The following MOB1A variants were observed in gnomAD, a reference collection of about 807,000 sequenced individuals.
MOB1A encodes MOB1 Mps One Binder homolog A.
A neutral mutation model predicts 25.1 loss-of-function variants in MOB1A; 10 were observed. The ratio of observed to expected loss-of-function variants is 0.40; its 90% CI spans 0.25 to 0.68. MOB1A has a LOEUF of 0.68. Among genes scored for constraint, MOB1A ranks in the 30% least tolerant of loss-of-function variants. The pLI is 0.40. For synonymous variants in MOB1A, 81 were observed against 79.5 expected (o/e 1.02, Z -0.10); for missense variants, 177 against 256.3 (o/e 0.69, Z 2.11).
chr2:74,167,920 T>C (rs1319290154), intron 2 of MOB1A, among the ~76,000 whole-genome samples: 3 of 152,130 alleles, frequency 2.0e-5, no homozygotes, highest in Non-Finnish European at 4.4e-5. Context: ...AAGGACTGGT[T>C]GAGCCCAGGA....
At chr2:74,156,736 T>G in intron 5 of MOB1A, 91 bp from the exon 6 acceptor site, 1 of 842,270 alleles carries the variant, frequency 1.2e-6, no homozygotes, top group Non-Finnish European at 1.9e-6. Context: ...AACTCTAGTT[T>G]TCTGAAGTCC....
chr2:74,158,961 A>T, intron 5 of MOB1A, 130 bp downstream of exon 5: 4 of 923,188 alleles, frequency 4.3e-6, no homozygotes, highest in Non-Finnish European at 6.7e-6. Flanking sequence ...AAAAGAGAAC[A>T]AAACAGAAAA....
rs190674876 is a variant in MOB1A, at chr2:74,173,187, C to A, written c.15-435G>T. On this transcript the variant is annotated intron_variant, in intron 1 of 5. Transcript: ENST00000396049. ...AATGCCAAGATAGGAAGATGATGATCACAATACAAGAATGCTTTTTTTCCC... is the reference window on the plus strand; with the variant it reads ...AATGCCAAGATAGGAAGATGATGATAACAATACAAGAATGCTTTTTTTCCC... 3,065 of 517,790 alleles carry A rather than the reference C, an allele frequency of 5.9e-3. 49 individuals are homozygous for A. Among genetic ancestry groups the A allele is most frequent in the Middle Eastern group, 0.032 (102 of 3,148 alleles). 32.1% of individuals were successfully genotyped at this position (517,790 alleles called of 1,614,324 possible).
intron 5 of MOB1A, 139 bp downstream of exon 5, chr2:74,158,952 A>G (rs1692881597): frequency 1.1e-6 from 1 of 876,938 alleles, no homozygotes; most frequent in Non-Finnish European, 1.8e-6. Flanking sequence ...ATAATGTGGA[A>G]AAGAGAACAA....
At chr2:74,171,248 A>C (rs914464064) in intron 2 of MOB1A, among the ~76,000 whole-genome samples, 4 of 152,084 alleles carry the variant, frequency 2.6e-5, no homozygotes, top group African/African-American at 9.7e-5. Context: ...AGATTTCGCC[A>C]CTGCACTCCA....
Position 74,153,383 on chromosome 2 carries a change from TACC to T in MOB1A, c.*3182_*3184del, listed in dbSNP as rs1692713378. The T allele has an allele frequency of 6.6e-6, 1 of 152,230 alleles. No homozygotes were observed. The highest frequency in any genetic ancestry group is 2.1e-4 in the South Asian group (1 of 4,834). The allele number at this position is 152,230 out of a possible 1,614,324, so 9.4% of individuals were successfully genotyped here. A position where few individuals can be genotyped will look rare whatever the true frequency, so the allele number is the denominator to read the frequency against. On this transcript the variant is annotated 3_prime_UTR_variant, in exon 6 of 6. Coordinates refer to ENST00000396049, the MANE Select transcript of MOB1A (RefSeq NM_018221.5). ...CCACAATATTGACAAAACTTAGTACTACCACCAAGATTGTTCCTCTTGCCTTGG... is the reference window on the plus strand; with the variant it reads ...CCACAATATTGACAAAACTTAGTACTACCAAGATTGTTCCTCTTGCCTTGG...
intron 5 of MOB1A, among the ~76,000 whole-genome samples, chr2:74,157,846 A>G (rs1242411666): frequency 6.6e-6 from 1 of 152,188 alleles, no homozygotes; most frequent in African/African-American, 2.4e-5. Context: ...TGTGTTAAAC[A>G]TTAAAATCAA....
intron 5 of MOB1A, among the ~76,000 whole-genome samples, chr2:74,157,799 T>A (rs1339059164): frequency 3.3e-5 from 5 of 152,140 alleles, no homozygotes; most frequent in Admixed American, 1.3e-4. Context: ...GGGAGACTTA[T>A]TAAAGAACCA....
intron 1 of MOB1A, chr2:74,178,363 C>G: frequency 3.6e-6 from 1 of 277,676 alleles, no homozygotes; most frequent in Non-Finnish European, 6.7e-6. Flanking sequence ...CGCGGCTCCG[C>G]CCCCAGATCG....
Position 74,172,751 on chromosome 2 carries a change from T to C in MOB1A, c.16A>G (p.Ser6Gly). The C allele has an allele frequency of 6.2e-7, 1 of 1,612,282 alleles. No individual in the cohort carries two copies. The highest frequency in any genetic ancestry group is 8.5e-7 in the Non-Finnish European group (1 of 1,179,070). Reference protein sequence around the residue: MSFLFSSRSSKTFKPK... With the variant: MSFLFGSRSSKTFKPK... The stretch of plus-strand genomic sequence containing the variant: ...TTGAATGTTTTAGAAGAGCGGCTGC[T>C]GCTGTAAGATTAAAAGTGCAAGTAT... The change falls in exon 2 of 6, where the codon AGC becomes GGC. Residue 6 changes from serine (S) to glycine (G), a missense_variant and splice_region_variant. Ser to Gly is a moderately conservative substitution (Grantham distance 56, BLOSUM62 0). Coordinates refer to ENST00000396049, the MANE Select transcript of MOB1A (RefSeq NM_018221.5).
intron 2 of MOB1A, among the ~76,000 whole-genome samples, chr2:74,169,280 T>C (rs982305984): frequency 2.2e-4 from 34 of 152,230 alleles, no homozygotes; most frequent in African/African-American, 7.9e-4. Context: ...GGCAGGCGGA[T>C]CACTTGAGGC....
intron 2 of MOB1A, 71 bp downstream of exon 2, chr2:74,172,515 G>C (rs1158540224): frequency 6.9e-7 from 1 of 1,451,250 alleles, no homozygotes; most frequent in Non-Finnish European, 9.4e-7. Flanking sequence ...AACTGTAAAA[G>C]AAAATTCATT....
At chr2:74,171,902 CA>C (rs1372649568) in intron 2 of MOB1A, among the ~76,000 whole-genome samples, 1 of 150,924 alleles carries the variant, frequency 6.6e-6, no homozygotes, top group East Asian at 1.9e-4. Flanking sequence ...GACTCCATCT[CA>C]AAAATAAATA....
At chr2:74,166,307 G>A (rs1693127005) in intron 3 of MOB1A, among the ~76,000 whole-genome samples, 1 of 151,506 alleles carries the variant, frequency 6.6e-6, no homozygotes, top group African/African-American at 2.4e-5. Context: ...ATAAGCACAA[G>A]AAAAAATAAT....
intron 1 of MOB1A, among the ~76,000 whole-genome samples, chr2:74,174,995 C>T (rs1025818319): frequency 2.0e-5 from 3 of 152,184 alleles, no homozygotes; most frequent in Admixed American, 6.5e-5. Context: ...ACCCCAAGGA[C>T]ACAGACTGGA....
At chr2:74,162,860 A>C (rs1342410862) in intron 4 of MOB1A, among the ~76,000 whole-genome samples, 1 of 152,222 alleles carries the variant, frequency 6.6e-6, no homozygotes, top group Non-Finnish European at 1.5e-5. Flanking sequence ...ACTCTTAATC[A>C]AAATATTAAC....
chr2:74,161,580 C>G (rs763768209), intron 4 of MOB1A, among the ~76,000 whole-genome samples: 2 of 150,664 alleles, frequency 1.3e-5, no homozygotes, highest in Admixed American at 6.7e-5. Flanking sequence ...ACCCGGGAGG[C>G]GGAGCTTGCA....
intron 2 of MOB1A, among the ~76,000 whole-genome samples, chr2:74,171,860 G>A (rs1693304744): frequency 1.3e-5 from 2 of 151,962 alleles, no homozygotes; most frequent in Non-Finnish European, 2.9e-5. Flanking sequence ...GCAAGATTGA[G>A]CCATTGCACT....
chr2:74,176,705 A>G (rs908753772), intron 1 of MOB1A, among the ~76,000 whole-genome samples: 1 of 151,066 alleles, frequency 6.6e-6, no homozygotes, highest in African/African-American at 2.4e-5. Flanking sequence ...CGGAGCTTAC[A>G]GTGAGCCGAG....
Sources: gnomAD v4.1 joint callset for allele counts (sites outside exome capture counted in the v4.1 genomes callset) on GRCh38, gnomAD v4.1.1 for gene constraint, MANE v1.5 for transcripts, NCBI Gene and HGNC (gene_info 2026-07-23, HGNC 2026-07-21) for gene names.